RFX3: variants seen among roughly 807,000 people sequenced by gnomAD.
The protein encoded by RFX3 is regulatory factor X3.
In RFX3, 14 loss-of-function variants were observed where a neutral mutation model predicts 98.6. The ratio of observed to expected loss-of-function variants is 0.14; its 90% CI spans 0.09 to 0.22. The LOEUF (loss-of-function observed/expected upper bound fraction) is 0.22. Among genes scored for constraint, RFX3 ranks in the 10% least tolerant of loss-of-function variants. The pLI is 1.00. For missense variants in RFX3, 639 were observed against 926.9 expected (o/e 0.69, Z 4.03); for synonymous variants, 383 against 328.4 (o/e 1.17, Z -1.80).
At chr9:3,279,609 A>T (rs745785528) in intron 7 of RFX3, among the ~76,000 whole-genome samples, 31 of 151,860 alleles carry the variant, frequency 2.0e-4, no homozygotes, top group Non-Finnish European at 3.5e-4. Flanking sequence ...ATTTAACCAT[A>T]AAAGAAAATG....
At chr9:3,504,178 TATAC>T (rs1448247918) in intron 1 of RFX3, among the ~76,000 whole-genome samples, 18 of 90,534 alleles carry the variant, frequency 2.0e-4, no homozygotes, top group East Asian at 1.0e-3. Context: ...TATTATATAT[TATAC>T]ATATTATATA....
intron 1 of RFX3, among the ~76,000 whole-genome samples, chr9:3,415,157 TTA>T (rs1163285218): frequency 1.4e-4 from 19 of 139,292 alleles, no homozygotes; most frequent in African/African-American, 1.9e-4. Flanking sequence ...ATATATATTC[TTA>T]TATATATATA....
At chr9:3,231,104 G>A (rs965545636) in intron 15 of RFX3, among the ~76,000 whole-genome samples, 1 of 152,124 alleles carries the variant, frequency 6.6e-6, no homozygotes, top group African/African-American at 2.4e-5. Flanking sequence ...ACTAAATTCC[G>A]AGGCTTGTCA....
chr9:3,449,156 AATG>A (rs1267565794), intron 1 of RFX3, among the ~76,000 whole-genome samples: 2 of 152,184 alleles, frequency 1.3e-5, no homozygotes, highest in East Asian at 3.9e-4. Context: ...GTAAGAATTA[AATG>A]ATATCATATT....
intron 1 of RFX3, among the ~76,000 whole-genome samples, chr9:3,436,689 T>C (rs117641813): frequency 3.3e-5 from 5 of 152,176 alleles, no homozygotes; most frequent in Non-Finnish European, 7.4e-5. Flanking sequence ...TTGAAATAAA[T>C]ACTTCTTTAA....
intron 2 of RFX3, among the ~76,000 whole-genome samples, chr9:3,356,093 G>A (rs1312724304): frequency 6.9e-6 from 1 of 145,316 alleles, no homozygotes; most frequent in Non-Finnish European, 1.5e-5. Context: ...AAAAATCTAA[G>A]GCAATAACCT....
chr9:3,452,038 A>C (rs976782980), intron 1 of RFX3, among the ~76,000 whole-genome samples: 2 of 152,152 alleles, frequency 1.3e-5, no homozygotes, highest in African/African-American at 4.8e-5. Flanking sequence ...GTTCTGCTCT[A>C]CCTGCAACTC....
rs1003761227 is a variant in RFX3 at position 3,340,433 on chromosome 9, C to T, written c.215+6234G>A. Among the ~76,000 whole-genome samples the T allele has an allele frequency of 3.3e-4, 50 of 152,236 alleles. 2 individuals are homozygous for T. The South Asian group carries it at 9.6e-3, about 29-fold the overall frequency. On this transcript the variant is annotated intron_variant, in intron 3 of 16. Transcript: ENST00000617270. ...CTAATAAAACCAAAGAGCTTCTGCA[C>T]AGCAAAAGAAACTACCATCAGAGTG...
chr9:3,326,546 T>G lies in RFX3; in HGVS notation c.474+3713A>C, dbSNP rs150607619. Among the ~76,000 whole-genome samples, 212 of 152,278 alleles carry G rather than the reference T, an allele frequency of 1.4e-3. 4 individuals are homozygous for G. In the East Asian group the frequency reaches 0.014, roughly 10 times the overall value. ...TTCCCCTCTATGTGTCCATGTATTCTCATCATTTAGCTTCCACTTACAAGT... is the reference window on the plus strand; with the variant it reads ...TTCCCCTCTATGTGTCCATGTATTCGCATCATTTAGCTTCCACTTACAAGT... On this transcript the variant is annotated intron_variant, in intron 4 of 16. Coordinates refer to ENST00000617270, the MANE Select transcript of RFX3 (RefSeq NM_001282116.2).
rs1235304787 is a variant in RFX3, at chr9:3,222,697, A to G, written c.*2345T>C. On this transcript the variant is annotated 3_prime_UTR_variant, in exon 17 of 17. Transcript: ENST00000617270. ...TACCTGTAAACACTTCCTATGCACA[A>G]TGAAGTAGATACATGAACTTTTGCA... 6 of 152,164 alleles carry G rather than the reference A, an allele frequency of 3.9e-5. No homozygotes were observed. The highest frequency in any genetic ancestry group is 6.6e-5 in the Admixed American group (1 of 15,264). The allele number at this position is 152,164 out of a possible 1,614,324, so 9.4% of individuals were successfully genotyped here. A position where few individuals can be genotyped will look rare whatever the true frequency, so the allele number is the denominator to read the frequency against.
intron 1 of RFX3, among the ~76,000 whole-genome samples, chr9:3,436,341 C>A (rs1254808934): frequency 6.6e-6 from 1 of 151,862 alleles, no homozygotes; most frequent in African/African-American, 2.4e-5. Context: ...AAAGAACATA[C>A]AGAAGCAAGA....
chr9:3,499,974 C>T (rs888007382), intron 1 of RFX3, among the ~76,000 whole-genome samples: 8 of 152,044 alleles, frequency 5.3e-5, no homozygotes, highest in African/African-American at 1.9e-4. Flanking sequence ...TACCTTATTC[C>T]TTTTTAAAGA....
chr9:3,513,004 A>C (rs1277282349), intron 1 of RFX3, among the ~76,000 whole-genome samples: 1 of 152,078 alleles, frequency 6.6e-6, no homozygotes, highest in Non-Finnish European at 1.5e-5. Flanking sequence ...GAGAATATGC[A>C]ATTTTGTATC....
intron 3 of RFX3, 48 bp downstream of exon 3, chr9:3,346,619 T>G (rs1467639591): frequency 8.3e-7 from 1 of 1,209,802 alleles, no homozygotes; most frequent in African/African-American, 1.5e-5. Context: ...AAGTACATTA[T>G]TTTTCTCTGA....
chr9:3,281,356 T>C (rs1370399154), intron 7 of RFX3, among the ~76,000 whole-genome samples: 1 of 150,790 alleles, frequency 6.6e-6, no homozygotes, highest in East Asian at 1.9e-4. Context: ...AAGATTTCCA[T>C]TGAAAAAAAA....
At chr9:3,447,738 T>C (rs1846170550) in intron 1 of RFX3, among the ~76,000 whole-genome samples, 1 of 152,204 alleles carries the variant, frequency 6.6e-6, no homozygotes, top group Non-Finnish European at 1.5e-5. Flanking sequence ...AAGGACACCA[T>C]GCATGAATTA....
intron 7 of RFX3, among the ~76,000 whole-genome samples, chr9:3,281,637 T>C (rs1481850185): frequency 6.6e-6 from 1 of 151,782 alleles, no homozygotes; most frequent in Non-Finnish European, 1.5e-5. Flanking sequence ...TAATCAGTGC[T>C]AAAGTTGTTA....
At chr9:3,274,836 G>GGA (rs1031958631) in intron 9 of RFX3, among the ~76,000 whole-genome samples, 59 of 149,414 alleles carry the variant, frequency 3.9e-4, no homozygotes, top group African/African-American at 1.5e-3. Context: ...TTCTCCTTCT[G>GGA]GATATATATA....
At chr9:3,462,817 TTATAA>T (rs1564132259) in intron 1 of RFX3, among the ~76,000 whole-genome samples, 1 of 152,052 alleles carries the variant, frequency 6.6e-6, no homozygotes, top group Non-Finnish European at 1.5e-5. Flanking sequence ...GTGATGTCAC[TTATAA>T]TAGTATTAAA....
Sources: allele counts gnomAD v4.1 joint callset (sites outside exome capture counted in the v4.1 genomes callset), GRCh38; gene constraint gnomAD v4.1.1; transcripts MANE v1.5; gene names NCBI Gene and HGNC (gene_info 2026-07-23, HGNC 2026-07-21).